Variants in CPQ observed in about 807,000 individuals in gnomAD.
CPQ encodes the protein carboxypeptidase Q.
CPQ carries 37 observed loss-of-function variants against 45.7 expected under a neutral mutation model. The ratio of observed to expected loss-of-function variants is 0.81; its 90% confidence interval spans 0.62 to 1.07. The LOEUF (loss-of-function observed/expected upper bound fraction) is 1.07, where lower values mean the gene tolerates loss of function less well. CPQ is among the 50% of genes least tolerant of loss of function. The pLI is 0.00. For synonymous variants in CPQ, 186 were observed against 205.8 expected (o/e 0.90, Z 0.82); for missense variants, 537 against 572.9 (o/e 0.94, Z 0.64).
chr8:96,997,491 G>C (rs944288971), intron 5 of CPQ, among the ~76,000 whole-genome samples: 3 of 151,710 alleles, frequency 2.0e-5, no homozygotes, highest in African/African-American at 7.3e-5. Context: ...TTTCATAAAT[G>C]TATTTAAAGC....
intron 1 of CPQ, among the ~76,000 whole-genome samples, chr8:96,700,944 A>G (rs1809450921): frequency 6.6e-6 from 1 of 152,254 alleles, no homozygotes; most frequent in Non-Finnish European, 1.5e-5. Context: ...AAATACTGGA[A>G]TTAGACTCTT....
intron 7 of CPQ, among the ~76,000 whole-genome samples, chr8:97,123,255 A>T (rs1184556889): frequency 2.7e-5 from 4 of 145,888 alleles, no homozygotes; most frequent in Non-Finnish European, 4.5e-5. Flanking sequence ...TAAAATAAAA[A>T]TAAAATAAAA....
At chr8:97,029,560 C>A in intron 6 of CPQ, 66 bp downstream of exon 6, 1 of 1,367,958 alleles carries the variant, frequency 7.3e-7, no homozygotes, top group Non-Finnish European at 1.0e-6. Context: ...CTCTCATTGT[C>A]CATTTAAGAC....
intron 1 of CPQ, among the ~76,000 whole-genome samples, chr8:96,716,398 G>A (rs945329129): frequency 2.6e-5 from 4 of 152,060 alleles, no homozygotes; most frequent in Admixed American, 2.6e-4. Flanking sequence ...TTCTTTAGTG[G>A]TGATATCTGA....
At chr8:97,049,839 T>C (rs761304702) in intron 6 of CPQ, among the ~76,000 whole-genome samples, 2 of 152,206 alleles carry the variant, frequency 1.3e-5, no homozygotes, top group African/African-American at 2.4e-5. Flanking sequence ...CAGTGAAGCA[T>C]TGGCATTAAG....
chr8:97,120,721 C>A (rs1038044830), intron 7 of CPQ, among the ~76,000 whole-genome samples: 2 of 152,180 alleles, frequency 1.3e-5, no homozygotes, highest in African/African-American at 4.8e-5. Context: ...TTGGTACTTA[C>A]AATTGACAGG....
At chr8:96,940,432 C>T (rs866599614) in intron 4 of CPQ, among the ~76,000 whole-genome samples, 1 of 152,150 alleles carries the variant, frequency 6.6e-6, no homozygotes, top group Non-Finnish European at 1.5e-5. Flanking sequence ...GAATAGTGCT[C>T]CATCTTGCTC....
intron 4 of CPQ, among the ~76,000 whole-genome samples, chr8:96,931,933 T>A (rs941601257): frequency 1.3e-5 from 2 of 151,300 alleles, no homozygotes; most frequent in African/African-American, 4.9e-5. Context: ...CTATTTCCCT[T>A]TAGCCAATCA....
chr8:96,903,464 G>C (rs1247317523), intron 4 of CPQ, among the ~76,000 whole-genome samples: 2 of 152,114 alleles, frequency 1.3e-5, no homozygotes, highest in East Asian at 3.9e-4. Context: ...TATGAAGAAG[G>C]GGGAGAAGGG....
intron 6 of CPQ, among the ~76,000 whole-genome samples, chr8:97,057,958 A>G (rs1166214642): frequency 6.6e-6 from 1 of 152,202 alleles, no homozygotes; most frequent in African/African-American, 2.4e-5. Context: ...TTTGTTTTTC[A>G]TAAGGTTTCA....
chr8:96,992,649 G>A (rs1367466656), intron 5 of CPQ, among the ~76,000 whole-genome samples: 1 of 152,120 alleles, frequency 6.6e-6, no homozygotes, highest in Admixed American at 6.5e-5. Flanking sequence ...GTCAGAAAAT[G>A]TATGTGAAGT....
intron 1 of CPQ, among the ~76,000 whole-genome samples, chr8:96,689,858 A>G (rs150212409): frequency 5.3e-4 from 80 of 152,116 alleles, no homozygotes; most frequent in Admixed American, 1.9e-3. Flanking sequence ...AAAAAATTTT[A>G]CTTTTGCTAT....
At chr8:97,106,080 G>T (rs1811399361) in intron 7 of CPQ, among the ~76,000 whole-genome samples, 3 of 152,146 alleles carry the variant, frequency 2.0e-5, no homozygotes. Flanking sequence ...TCTGATGATG[G>T]CCACGAATGA....
At position 97,108,672 on chromosome 8, in the gene CPQ, G is replaced by A. The variant is rs139471595; in HGVS notation, c.1256-34348G>A. 1.7e-3 allele frequency among the ~76,000 whole-genome samples: 259 copies of A among 152,234 alleles called. 1 individual carries two copies. Among genetic ancestry groups the A allele is most frequent in the African/African-American group, 6.1e-3 (252 of 41,554 alleles). Reference sequence around the variant, plus strand: ...ACCGGGGAGGGGATGGTGAGATGACGCACTAAAGTAAAACTCCTTGTTTGT... The same window carrying A: ...ACCGGGGAGGGGATGGTGAGATGACACACTAAAGTAAAACTCCTTGTTTGT... On this transcript the variant is annotated intron_variant, in intron 7 of 7. Transcript: ENST00000220763.
At chr8:96,912,500 G>A (rs561507004) in intron 4 of CPQ, among the ~76,000 whole-genome samples, 1 of 152,134 alleles carries the variant, frequency 6.6e-6, no homozygotes, top group African/African-American at 2.4e-5. Context: ...GCTTATTAAA[G>A]AGCACATTAA....
At chr8:96,771,091 T>TTATA (rs539315302) in intron 1 of CPQ, among the ~76,000 whole-genome samples, 1 of 144,098 alleles carries the variant, frequency 6.9e-6, no homozygotes, top group Admixed American at 7.1e-5. Flanking sequence ...TATATATATA[T>TTATA]TATATATATA....
At chr8:96,885,520 A>G (rs912785364) in intron 4 of CPQ, among the ~76,000 whole-genome samples, 11 of 152,236 alleles carry the variant, frequency 7.2e-5, no homozygotes, top group African/African-American at 2.2e-4. Flanking sequence ...GAGAACCTTA[A>G]TAAAAGTAAA....
chr8:97,137,776 A>C (rs1812087541), intron 7 of CPQ, among the ~76,000 whole-genome samples: 1 of 152,026 alleles, frequency 6.6e-6, no homozygotes, highest in African/African-American at 2.4e-5. Context: ...AAAAATACAA[A>C]AAATTAGCTG....
At chr8:96,754,890 C>T (rs1810311324) in intron 1 of CPQ, among the ~76,000 whole-genome samples, 1 of 151,798 alleles carries the variant, frequency 6.6e-6, no homozygotes, top group African/African-American at 2.4e-5. Context: ...TTAGATTTGT[C>T]AGAACTTTGT....
Sources: allele counts gnomAD v4.1 joint callset (sites outside exome capture counted in the v4.1 genomes callset), GRCh38; gene constraint gnomAD v4.1.1; transcripts MANE v1.5; gene names NCBI Gene and HGNC (gene_info 2026-07-23, HGNC 2026-07-21).